ASPM: variants seen among roughly 807,000 people sequenced by gnomAD.
The protein encoded by ASPM is abnormal spindle-like microcephaly-associated protein.
Under a neutral mutation model 366.4 loss-of-function variants are expected in ASPM, and 256 were observed. That is an observed-to-expected ratio of 0.70 (90% CI 0.63 to 0.77). The LOEUF is 0.77. ASPM is among the 30% of genes least tolerant of loss of function. The probability of loss-of-function intolerance (pLI) is 0.00; values close to 1 mark genes in which losing one functional copy is unlikely to be tolerated. For synonymous variants in ASPM, 1,414 were observed against 1,342.9 expected, an observed-to-expected ratio of 1.05 and a Z score of -1.16; for missense variants, 4,146 against 4,090.4, an observed-to-expected ratio of 1.01 and a Z score of -0.37.
chr1:197,145,686 T>C (rs1297727016), intron 1 of ASPM, among the ~76,000 whole-genome samples: 1 of 152,110 alleles, frequency 6.6e-6, no homozygotes, highest in Non-Finnish European at 1.5e-5. Context: ...TCTATTAATT[T>C]AGAACGGCAA....
intron 10 of ASPM, among the ~76,000 whole-genome samples, chr1:197,125,507 T>C (rs770113597): frequency 6.6e-6 from 1 of 151,944 alleles, no homozygotes; most frequent in Non-Finnish European, 1.5e-5. Context: ...AGGAGAGGGA[T>C]GTAGAGCAGA....
intron 16 of ASPM, among the ~76,000 whole-genome samples, chr1:197,118,274 C>A (rs1000971193): frequency 6.6e-5 from 10 of 151,934 alleles, no homozygotes; most frequent in African/African-American, 1.2e-4. Context: ...AAGATAAAGG[C>A]CATTTGAAGT....
Position 197,146,361 on chromosome 1 carries a change from C to A in ASPM, c.77G>T (p.Gly26Val). The change falls in exon 1 of 28, where the codon GGC (glycine) becomes GTC (valine). Residue 26 changes from glycine to valine, a missense_variant. By Grantham distance (109) the Gly-to-Val change is moderately radical (BLOSUM62 -3). Transcript: ENST00000367409. ...TERRPPAGLR[G>V]PAAEEEASSP... ...AGACGCCTCCTCCTCGGCCGCGGGG[C>A]CCCGCAGCCCCGCGGGCGGCCTCCG... The A allele has an allele frequency of 6.2e-7, 1 of 1,608,374 alleles. No homozygotes were observed. Among genetic ancestry groups the A allele is most frequent in the African/African-American group, 1.3e-5 (1 of 74,788 alleles).
Position 197,103,887 on chromosome 1 carries a change from G to A in ASPM, c.5364C>T (p.Tyr1788=), listed in dbSNP as rs1657301211. 1 of 1,612,626 alleles carries A rather than the reference G, an allele frequency of 6.2e-7. No individual in the cohort carries two copies. The highest frequency in any genetic ancestry group is 8.5e-7 in the Non-Finnish European group (1 of 1,179,304). Residue 1788 remains tyrosine (Y), a synonymous_variant, in exon 18 of 28, where the codon TAC becomes TAT. Coordinates refer to ENST00000367409, the MANE Select transcript of ASPM (RefSeq NM_018136.5). ...IIVIQNYYHA[Y]KAQVNQRKNF... ...TCTTCCTCTGATTGACCTGTGCTTT[G>A]TATGCATGATAGTAATTCTGAATGA...
intron 27 of ASPM, among the ~76,000 whole-genome samples, chr1:197,085,568 TAGAA>T (rs755831785): frequency 2.6e-5 from 4 of 152,140 alleles, no homozygotes; most frequent in Non-Finnish European, 4.4e-5. Flanking sequence ...TACTAAGTGA[TAGAA>T]AGGAATGAAA....
chr1:197,102,413 T>G lies in ASPM; in HGVS notation c.6838A>C (p.Arg2280=), dbSNP rs768951560. ...QRRFRTLMMR[R]RFLSLKKTAI... is the part of the protein sequence containing the mutation. ...GTTTTCTTGAGAGAGAGGAATCTTC[T>G]TCTCATCATTAGAGTTCTAAATCTC... The change falls in exon 18 of 28, where the codon AGA becomes CGA. Residue 2280 remains arginine (R), a synonymous_variant. Coordinates refer to ENST00000367409, the MANE Select transcript of ASPM (RefSeq NM_018136.5). The G allele has an allele frequency of 6.2e-7, 1 of 1,612,666 alleles. No homozygotes were observed. The highest frequency in any genetic ancestry group is 8.5e-7 in the Non-Finnish European group (1 of 1,179,234).
rs773997879 is a variant in ASPM at position 197,122,608 on chromosome 1, G to T, written c.3391-13C>A. The T allele has an allele frequency of 1.3e-6, 2 of 1,584,934 alleles. No individual in the cohort carries two copies. The highest frequency in any genetic ancestry group is 2.3e-5 in the South Asian group (2 of 87,856). ...TAAAATTCTCCACCTGATTGAAAAT[G>T]CCAGAAAAACAATTAACCGCATTTA... On this transcript the variant is annotated splice_polypyrimidine_tract_variant and intron_variant, in intron 13 of 27. Coordinates refer to ENST00000367409, the MANE Select transcript of ASPM (RefSeq NM_018136.5).
At chr1:197,139,725 G>T (rs762464331) in intron 4 of ASPM, 42 bp downstream of exon 4, 2 of 1,387,312 alleles carry the variant, frequency 1.4e-6, no homozygotes. Context: ...TGCTTCATTC[G>T]ATGTCATGTT....
chr1:197,101,921 TG>T lies in ASPM; in HGVS notation c.7329del (p.Thr2444ProfsTer14). The T allele has an allele frequency of 6.2e-7, 1 of 1,612,852 alleles. No individual in the cohort carries two copies. The highest frequency in any genetic ancestry group is 8.5e-7 in the Non-Finnish European group (1 of 1,179,288). On this transcript the variant is annotated frameshift_variant, in exon 18 of 28. Coordinates refer to ENST00000367409, the MANE Select transcript of ASPM (RefSeq NM_018136.5). LOFTEE classifies it high-confidence loss of function. The stretch of plus-strand genomic sequence containing the variant: ...TACAATTTATGTTTGGCACAAATGG[TG>T]GCTCGATATTTCCTCTGAACAAAAA... ...ATIFVQRKYR[A>X]TICAKHKLYQ...
intron 19 of ASPM, 110 bp from the exon 20 acceptor site, chr1:197,094,290 C>T (rs1656891855): frequency 5.8e-6 from 4 of 687,694 alleles, no homozygotes; most frequent in Non-Finnish European, 1.0e-5. Flanking sequence ...ATAAGAAAGG[C>T]AATGACAGAA....
At chr1:197,145,583 T>C (rs772942182) in intron 1 of ASPM, among the ~76,000 whole-genome samples, 1 of 152,014 alleles carries the variant, frequency 6.6e-6, no homozygotes, top group Non-Finnish European at 1.5e-5. Flanking sequence ...CTAAAATGCA[T>C]ATTAAGATGG....
At chr1:197,129,452 T>C (rs1255229116) in intron 8 of ASPM, 135 bp from the exon 9 acceptor site, 1 of 963,336 alleles carries the variant, frequency 1.0e-6, no homozygotes, top group Non-Finnish European at 1.6e-6. Flanking sequence ...AAACACTATG[T>C]GCCTTTTTTA....
At position 197,142,834 on chromosome 1, in the gene ASPM, G is replaced by A. The variant is rs1417895573; in HGVS notation, c.1418C>T (p.Ser473Phe). Residue 473 changes from serine (S) to phenylalanine (F), a missense_variant, in exon 3 of 28, where the codon TCT becomes TTT. Transcript: ENST00000367409. ...ATGACTAGAAATATCCTGAACTGCA[G>A]AAAATTTAGGATTATTTTGTTTTAT... ...SFIKQNNPKFSAVQDISSHSH... is the reference protein window; with the variant it reads ...SFIKQNNPKFFAVQDISSHSH... 1 of 1,613,404 alleles carries A rather than the reference G, an allele frequency of 6.2e-7. No individual in the cohort carries two copies. Among genetic ancestry groups the A allele is most frequent in the Non-Finnish European group, 8.5e-7 (1 of 1,179,420 alleles).
At chr1:197,085,625 T>G (rs144223140) in intron 27 of ASPM, among the ~76,000 whole-genome samples, 1 of 152,172 alleles carries the variant, frequency 6.6e-6, no homozygotes, top group Admixed American at 6.6e-5. Context: ...AAAAGCATTA[T>G]GCTAAGGAAA....
intron 17 of ASPM, among the ~76,000 whole-genome samples, chr1:197,116,547 G>C (rs566431707): frequency 2.3e-4 from 35 of 152,110 alleles, no homozygotes; most frequent in Non-Finnish European, 4.3e-4. Flanking sequence ...GCACAATAAT[G>C]CAAAGAGCAA....
At chr1:197,090,751 A>C in intron 23 of ASPM, 99 bp downstream of exon 23, 2 of 1,152,252 alleles carry the variant, frequency 1.7e-6, no homozygotes, top group East Asian at 2.4e-5. Context: ...CTAATGCGTT[A>C]GCTTTTTAAA....
At chr1:197,087,046 A>C in intron 26 of ASPM, 74 bp from the exon 27 acceptor site, 1 of 1,346,708 alleles carries the variant, frequency 7.4e-7, no homozygotes. Flanking sequence ...TAGCAAAATC[A>C]AATATAATAA....
chr1:197,141,610 T>C (rs1453499444), intron 3 of ASPM, among the ~76,000 whole-genome samples: 1 of 152,142 alleles, frequency 6.6e-6, no homozygotes, highest in Non-Finnish European at 1.5e-5. Context: ...TTTTCTTCTT[T>C]AGGAAGTCTT....
rs373594954 is a variant in ASPM, at chr1:197,142,372, C to A, written c.1880G>T (p.Arg627Leu). Residue 627 changes from arginine (R) to leucine (L), a missense_variant, in exon 3 of 28, where the codon CGT (arginine) becomes CTT (leucine). This residue lies in a region of ASPM where 3,624 missense variants were observed against 3,591.7 expected (regional missense o/e 1.01). Coordinates refer to ENST00000367409, the MANE Select transcript of ASPM (RefSeq NM_018136.5). ...GTTTAATTTCTCTCTGTTGCTAATACGTTTTGAGATGGGTGTTGTCACATT... is the reference window on the plus strand; with the variant it reads ...GTTTAATTTCTCTCTGTTGCTAATAAGTTTTGAGATGGGTGTTGTCACATT... ...TKNVTTPISKRISNREKLNLK... is the reference protein window; with the variant it reads ...TKNVTTPISKLISNREKLNLK... 13 of 1,613,702 alleles carry A rather than the reference C, an allele frequency of 8.1e-6. No individual in the cohort carries two copies. The highest frequency in any genetic ancestry group is 7.7e-5 in the South Asian group (7 of 91,068).
Sources: allele counts gnomAD v4.1 joint callset (sites outside exome capture counted in the v4.1 genomes callset), GRCh38; gene constraint gnomAD v4.1.1; regional missense constraint gnomAD v4.1.1; transcripts MANE v1.5; gene names NCBI Gene and HGNC (gene_info 2026-07-23, HGNC 2026-07-21).